Variants in MEF2A observed in about 807,000 individuals in gnomAD.
MEF2A encodes myocyte enhancer factor 2A.
A neutral mutation model predicts 55.8 loss-of-function variants in MEF2A; 28 were observed. The ratio of observed to expected loss-of-function variants is 0.50; its 90% CI spans 0.37 to 0.69. The LOEUF (loss-of-function observed/expected upper bound fraction) is 0.69, where lower values mean the gene tolerates loss of function less well. MEF2A is among the 30% of genes least tolerant of loss of function. MEF2A has a pLI of 0.00. For missense variants in MEF2A, 528 were observed against 626.2 expected (o/e 0.84, Z 1.67); for synonymous variants, 239 against 227.1 (o/e 1.05, Z -0.47).
At chr15:99,664,914 GTCAT>G (rs908279190) in intron 4 of MEF2A, among the ~76,000 whole-genome samples, 5 of 152,158 alleles carry the variant, frequency 3.3e-5, no homozygotes, top group African/African-American at 9.7e-5. Context: ...TTTTATTTGA[GTCAT>G]TAATGAATGA....
At chr15:99,594,459 C>CTT (rs67846200) in intron 1 of MEF2A, among the ~76,000 whole-genome samples, 11 of 124,332 alleles carry the variant, frequency 8.8e-5, no homozygotes, top group East Asian at 4.6e-4. Flanking sequence ...TCCTTTCTTT[C>CTT]TTTTTTTTTT....
chr15:99,639,971 C>CT (rs2044587490), intron 3 of MEF2A, among the ~76,000 whole-genome samples: 1 of 152,088 alleles, frequency 6.6e-6, no homozygotes. Flanking sequence ...TACCAAAACA[C>CT]TTTGTAAACA....
chr15:99,613,812 C>T (rs1346152334), intron 2 of MEF2A, among the ~76,000 whole-genome samples: 1 of 152,188 alleles, frequency 6.6e-6, no homozygotes, highest in Non-Finnish European at 1.5e-5. Context: ...AACGTATTGA[C>T]ATGTAGTGGT....
intron 3 of MEF2A, among the ~76,000 whole-genome samples, chr15:99,643,341 C>G (rs1032249802): frequency 6.6e-6 from 1 of 152,106 alleles, no homozygotes; most frequent in Non-Finnish European, 1.5e-5. Flanking sequence ...GAACTGAAAA[C>G]ACTAAAATCA....
At chr15:99,704,717 A>G (rs533939283) in intron 9 of MEF2A, among the ~76,000 whole-genome samples, 1 of 152,328 alleles carries the variant, frequency 6.6e-6, no homozygotes, top group South Asian at 2.1e-4. Flanking sequence ...GTCCAGGCCA[A>G]ACTATGTCAT....
At chr15:99,656,704 C>T (rs1282414117) in intron 4 of MEF2A, among the ~76,000 whole-genome samples, 1 of 152,090 alleles carries the variant, frequency 6.6e-6, no homozygotes, top group African/African-American at 2.4e-5. Flanking sequence ...TTGCTCCAGA[C>T]ATCCTTAACT....
At position 99,671,340 on chromosome 15, in the gene MEF2A, C is replaced by A. The variant is rs2050825918; in HGVS notation, c.276C>A (p.Gly92=). 13 of 1,610,672 alleles carry A rather than the reference C, an allele frequency of 8.1e-6. No individual in the cohort carries two copies. In the East Asian group the frequency reaches 2.0e-4, roughly 25 times the overall value. The change falls in exon 5 of 12, where the codon GGC becomes GGA. Residue 92 remains glycine, a synonymous_variant. Coordinates refer to ENST00000557942, the MANE Select transcript of MEF2A (RefSeq NM_001319206.4). ...SDIVETLRKK[G]LNGCESPDAD... is the part of the protein sequence containing the mutation. Reference sequence around the variant, plus strand: ...TATTTCAGACTTTAAGAAAGAAAGGCCTTAATGGTTGTGAGAGCCCTGATG... The same window carrying A: ...TATTTCAGACTTTAAGAAAGAAAGGACTTAATGGTTGTGAGAGCCCTGATG...
At chr15:99,620,190 T>G (rs1389497700) in intron 2 of MEF2A, among the ~76,000 whole-genome samples, 1 of 152,218 alleles carries the variant, frequency 6.6e-6, no homozygotes, top group East Asian at 1.9e-4. Context: ...TACAGAATTT[T>G]TTTCTTTGAC....
chr15:99,710,810 C>G (rs325403), intron 11 of MEF2A, 50 bp downstream of exon 11: 965,860 of 1,560,574 alleles, frequency 0.62, 303,115 homozygotes, highest in Admixed American at 0.72. Context: ...CCTACACACT[C>G]TCTTTTCCTA....
intron 7 of MEF2A, among the ~76,000 whole-genome samples, chr15:99,675,864 C>A (rs1222686034): frequency 6.6e-6 from 1 of 151,980 alleles, no homozygotes; most frequent in Non-Finnish European, 1.5e-5. Context: ...ACTGTGAAAC[C>A]CTGTCTCTAC....
intron 3 of MEF2A, among the ~76,000 whole-genome samples, chr15:99,643,553 G>A (rs1251859901): frequency 8.6e-5 from 13 of 151,752 alleles, no homozygotes; most frequent in Middle Eastern, 3.4e-3. Flanking sequence ...CAACAGATGC[G>A]GAGGTTTTTC....
intron 2 of MEF2A, among the ~76,000 whole-genome samples, chr15:99,602,653 G>GGTGTGTGT (rs773502316): frequency 0.059 from 2,654 of 44,608 alleles, 493 homozygotes; most frequent in Middle Eastern, 0.095. Flanking sequence ...ACATTCCTGG[G>GGTGTGTGT]GTGTGTGTGT....
chr15:99,714,799 T>TCC lies in MEF2A; in HGVS notation c.*2038_*2039dup, dbSNP rs58267790. The TCC allele has an allele frequency of 3.6e-4, 12 of 33,138 alleles. No homozygotes were observed. The highest frequency in any genetic ancestry group is 1.3e-3 in the African/African-American group (7 of 5,282). 2.1% of individuals were successfully genotyped at this position (33,138 alleles called of 1,614,324 possible). On this transcript the variant is annotated 3_prime_UTR_variant, in exon 12 of 12. Transcript: ENST00000557942. ...CCTACAATTTCTATGTACATTTTGT[T>TCC]CCCCCCCCCCCACCCCCCCCCCAAA...
chr15:99,715,610 G>A lies in MEF2A; in HGVS notation c.*2839G>A, dbSNP rs2059073405. On this transcript the variant is annotated 3_prime_UTR_variant, in exon 12 of 12. Transcript: ENST00000557942. The stretch of plus-strand genomic sequence containing the variant: ...CTCTGGGTGGAAACCAGCCTAGAGA[G>A]GGGACGACGCTAATGGTGTTGCTTT... 1 of 152,222 alleles carries A rather than the reference G, an allele frequency of 6.6e-6. No homozygotes were observed. The highest frequency in any genetic ancestry group is 2.4e-5 in the African/African-American group (1 of 41,450). The allele number at this position is 152,222 out of a possible 1,614,324, so 9.4% of individuals were successfully genotyped here.
At chr15:99,651,248 T>C (rs2046803844) in intron 4 of MEF2A, among the ~76,000 whole-genome samples, 1 of 152,142 alleles carries the variant, frequency 6.6e-6, no homozygotes, top group Non-Finnish European at 1.5e-5. Context: ...GGAATCTGGC[T>C]CTTCAGATGA....
chr15:99,602,653 G>GGGGGGTGTGTGT (rs1555454713), intron 2 of MEF2A, among the ~76,000 whole-genome samples: 2 of 44,842 alleles, frequency 4.5e-5, no homozygotes, highest in East Asian at 8.7e-4. Flanking sequence ...ACATTCCTGG[G>GGGGGGTGTGTGT]GTGTGTGTGT....
chr15:99,578,777 G>A (rs1965091808), intron 1 of MEF2A, among the ~76,000 whole-genome samples: 1 of 152,310 alleles, frequency 6.6e-6, no homozygotes, highest in East Asian at 1.9e-4. Flanking sequence ...TGAAGTTAGA[G>A]AAATAGCATT....
chr15:99,599,486 T>C (rs1311140797), intron 2 of MEF2A, among the ~76,000 whole-genome samples: 1 of 152,100 alleles, frequency 6.6e-6, no homozygotes, highest in East Asian at 1.9e-4. Context: ...GAAATCACAT[T>C]TTACAAACTT....
At chr15:99,620,184 G>A (rs1195913556) in intron 2 of MEF2A, among the ~76,000 whole-genome samples, 3 of 152,152 alleles carry the variant, frequency 2.0e-5, no homozygotes, top group African/African-American at 2.4e-5. Context: ...AATATCTACA[G>A]AATTTTTTTC....
Sources: gnomAD v4.1 joint callset for allele counts (sites outside exome capture counted in the v4.1 genomes callset) on GRCh38, gnomAD v4.1.1 for gene constraint, MANE v1.5 for transcripts, NCBI Gene and HGNC (gene_info 2026-07-23, HGNC 2026-07-21) for gene names.